Variants in CUEDC1 observed in about 807,000 individuals in gnomAD.
CUEDC1 encodes CUE domain-containing protein 1.
CUEDC1 carries 30 observed loss-of-function variants against 43.7 expected under a neutral mutation model. That is an observed-to-expected ratio of 0.69 (90% CI 0.51 to 0.93). CUEDC1 has a LOEUF of 0.93. CUEDC1 is among the 40% of genes least tolerant of loss of function. The probability of loss-of-function intolerance (pLI) is 0.00; values close to 1 mark genes in which losing one functional copy is unlikely to be tolerated. For missense variants in CUEDC1, 486 were observed against 549.0 expected (o/e 0.89, Z 1.15); for synonymous variants, 223 against 223.6 (o/e 1.00, Z 0.02).
At chr17:57,931,768 C>T (rs1333386656) in intron 1 of CUEDC1, among the ~76,000 whole-genome samples, 1 of 152,210 alleles carries the variant, frequency 6.6e-6, no homozygotes, top group Non-Finnish European at 1.5e-5. Flanking sequence ...CTCAATAAGA[C>T]ACAGTCCCGA....
At chr17:57,874,370 A>G (rs1229984772) in intron 3 of CUEDC1, among the ~76,000 whole-genome samples, 3 of 152,014 alleles carry the variant, frequency 2.0e-5, no homozygotes, top group African/African-American at 7.3e-5. Context: ...CCGTGTCCTG[A>G]GCAATGTTCT....
At chr17:57,910,736 C>T (rs773741451) in intron 1 of CUEDC1, among the ~76,000 whole-genome samples, 18 of 152,044 alleles carry the variant, frequency 1.2e-4, no homozygotes, top group Non-Finnish European at 2.4e-4. Flanking sequence ...TGTGAACACC[C>T]CCTTTTTCTT....
chr17:57,926,383 C>G (rs913941121), intron 1 of CUEDC1, among the ~76,000 whole-genome samples: 2 of 152,120 alleles, frequency 1.3e-5, no homozygotes, highest in Non-Finnish European at 2.9e-5. Context: ...CTAGCCGGAT[C>G]TTGTCCCCAT....
At chr17:57,864,033 G>GA (rs1039322224) in intron 10 of CUEDC1, among the ~76,000 whole-genome samples, 6 of 147,800 alleles carry the variant, frequency 4.1e-5, no homozygotes, top group African/African-American at 9.9e-5. Context: ...AAAAGAAAAA[G>GA]AAAAAAAAAG....
intron 1 of CUEDC1, among the ~76,000 whole-genome samples, chr17:57,893,598 G>A (rs1048974124): frequency 2.6e-5 from 4 of 151,930 alleles, no homozygotes; most frequent in Non-Finnish European, 5.9e-5. Flanking sequence ...GGCCCCCAGA[G>A]CTGCTGGGCA....
At chr17:57,935,587 G>A (rs568086189) in intron 1 of CUEDC1, among the ~76,000 whole-genome samples, 1 of 152,058 alleles carries the variant, frequency 6.6e-6, no homozygotes, top group East Asian at 1.9e-4. Context: ...CATCCCCGCT[G>A]CCCTCCCTTT....
chr17:57,916,444 C>T lies in CUEDC1; in HGVS notation c.-315-30565G>A, dbSNP rs186376256. 4.6e-5 allele frequency among the ~76,000 whole-genome samples: 7 copies of T among 152,344 alleles called. No individual in the cohort carries two copies. In the East Asian group the frequency reaches 1.4e-3, roughly 29 times the overall value. The stretch of plus-strand genomic sequence containing the variant: ...GGTGGAGAGTCCAGAGAAGTCCCCA[C>T]TTGGCATCGATTTGCCCAAAGCAAA... On this transcript the variant is annotated intron_variant, in intron 1 of 10. Transcript: ENST00000577830.
At chr17:57,894,313 C>G (rs1036313079) in intron 1 of CUEDC1, among the ~76,000 whole-genome samples, 28 of 152,210 alleles carry the variant, frequency 1.8e-4, no homozygotes, top group African/African-American at 5.5e-4. Flanking sequence ...TGGCCACCCC[C>G]ACCCCTATCA....
intron 1 of CUEDC1, among the ~76,000 whole-genome samples, chr17:57,923,681 T>A (rs1245158384): frequency 6.6e-6 from 1 of 152,218 alleles, no homozygotes; most frequent in Non-Finnish European, 1.5e-5. Context: ...AAAGGCACAG[T>A]TGATGGGCTC....
At chr17:57,864,690 GGGA>G (rs200647688) in intron 10 of CUEDC1, among the ~76,000 whole-genome samples, 4 of 152,074 alleles carry the variant, frequency 2.6e-5, no homozygotes, top group African/African-American at 4.8e-5. Flanking sequence ...GGTGTTTAAG[GGGA>G]GGAGGAGGAG....
chr17:57,897,393 G>A (rs981213382), intron 1 of CUEDC1, among the ~76,000 whole-genome samples: 8 of 152,016 alleles, frequency 5.3e-5, no homozygotes, highest in Non-Finnish European at 1.2e-4. Flanking sequence ...TTTTCTAGCC[G>A]GGCGCAGTGG....
chr17:57,872,892 C>G (rs201115386), intron 4 of CUEDC1, 37 bp from the exon 5 acceptor site: 1 of 1,572,342 alleles, frequency 6.4e-7, no homozygotes, highest in East Asian at 2.2e-5. Context: ...TGTGTACACA[C>G]AAGGGTACAT....
At position 57,940,043 on chromosome 17, in the gene CUEDC1, T is replaced by A. The variant is rs540829452; in HGVS notation, c.-316+15182A>T. Among the ~76,000 whole-genome samples, 30 of 152,142 alleles carry A rather than the reference T, an allele frequency of 2.0e-4. 1 individual carries two copies. The South Asian group carries it at 6.2e-3, about 32-fold the overall frequency. On this transcript the variant is annotated intron_variant, in intron 1 of 10. Transcript: ENST00000577830. ...GCTGGTTTCTGTTACTTGCCTTCAG[T>A]AGAGTCTGAACTGAGAGACAAGCTG...
At chr17:57,949,637 A>AT (rs2074988312) in intron 1 of CUEDC1, among the ~76,000 whole-genome samples, 1 of 141,352 alleles carries the variant, frequency 7.1e-6, no homozygotes. Flanking sequence ...CAGTGGTGCA[A>AT]TTTCAGCTCA....
At chr17:57,875,336 C>T (rs1485502728) in intron 3 of CUEDC1, among the ~76,000 whole-genome samples, 1 of 152,176 alleles carries the variant, frequency 6.6e-6, no homozygotes, top group African/African-American at 2.4e-5. Flanking sequence ...ACCTGGACCC[C>T]TCTAGCCATG....
intron 10 of CUEDC1, among the ~76,000 whole-genome samples, chr17:57,863,817 A>C (rs1597962837): frequency 6.6e-6 from 1 of 152,048 alleles, no homozygotes; most frequent in East Asian, 1.9e-4. Context: ...CCTAACCAGC[A>C]TGGTGAAACC....
intron 1 of CUEDC1, among the ~76,000 whole-genome samples, chr17:57,898,996 G>A (rs920634988): frequency 7.9e-5 from 12 of 152,214 alleles, no homozygotes; most frequent in Admixed American, 5.9e-4. Context: ...TGGGCAGCAG[G>A]AGCACAGGCA....
At position 57,885,729 on chromosome 17, in the gene CUEDC1, G is replaced by C; in HGVS notation, c.-165C>G. The C allele has an allele frequency of 8.5e-7, 1 of 1,172,970 alleles. No individual in the cohort carries two copies. Among genetic ancestry groups the C allele is most frequent in the Non-Finnish European group, 1.1e-6 (1 of 918,438 alleles). The allele number at this position is 1,172,970 out of a possible 1,614,324, so 72.7% of individuals were successfully genotyped here. ...AGCAATGGGCTGCCAAGAGCTCCGG[G>C]TTAGGAGAGTACGGGCGCGGGGCCC... On this transcript the variant is annotated 5_prime_UTR_variant, in exon 2 of 11. Transcript: ENST00000577830.
chr17:57,945,759 C>A (rs576349870), intron 1 of CUEDC1, among the ~76,000 whole-genome samples: 2 of 152,226 alleles, frequency 1.3e-5, no homozygotes, highest in East Asian at 3.9e-4. Flanking sequence ...GTGGCTCATA[C>A]CTATAATCCC....
Sources: allele counts gnomAD v4.1 joint callset (sites outside exome capture counted in the v4.1 genomes callset), GRCh38; gene constraint gnomAD v4.1.1; transcripts MANE v1.5; gene names NCBI Gene and HGNC (gene_info 2026-07-23, HGNC 2026-07-21).